FBXO8: variants seen among roughly 807,000 people sequenced by gnomAD.
FBXO8 encodes the protein F-box protein 8.
Under a neutral mutation model 33.4 loss-of-function variants are expected in FBXO8, and 15 were observed. The observed-to-expected ratio is 0.45, with a 90% CI of 0.30 to 0.69. The LOEUF is 0.69. Among genes scored for constraint, FBXO8 ranks in the 30% least tolerant of loss-of-function variants. The pLI, the probability that FBXO8 is intolerant of heterozygous loss-of-function variation, is 0.08. For missense variants in FBXO8, 274 were observed against 380.3 expected (o/e 0.72, Z 2.32); for synonymous variants, 132 against 131.5 (o/e 1.00, Z -0.02).
rs1375710412 is a variant in FBXO8 at position 174,254,175 on chromosome 4, C to G, written c.456+5524G>C. 6.6e-6 allele frequency among the ~76,000 whole-genome samples: 1 copy of G among 152,168 alleles called. No individual in the cohort carries two copies. Among genetic ancestry groups the G allele is most frequent in the Non-Finnish European group, 1.5e-5 (1 of 68,020 alleles). ...AGCATAATGAAGGGTGCTGAGAACT[C>G]AATTCTTCCTAGCTAGATCTTAGTT... On this transcript the variant is annotated intron_variant, in intron 3 of 5. Coordinates refer to ENST00000393674, the MANE Select transcript of FBXO8 (RefSeq NM_012180.3). This position sits in a 1 kb window ranked among gnomAD's most constrained non-coding sequence, Gnocchi z 4.2.
intron 1 of FBXO8, among the ~76,000 whole-genome samples, chr4:174,271,837 G>C (rs1000941009): frequency 1.3e-5 from 2 of 151,988 alleles, no homozygotes; most frequent in African/African-American, 4.8e-5. Context: ...CTGGTAACTG[G>C]TCAATAAATT....
In FBXO8 at chr4:174,270,198, CAT is replaced by C. The variant is rs1159124199; in HGVS notation, c.-8-7100_-8-7099del. 3.9e-5 allele frequency among the ~76,000 whole-genome samples: 6 copies of C among 152,164 alleles called. No individual in the cohort carries two copies. On this transcript the variant is annotated intron_variant, in intron 1 of 5. Coordinates refer to ENST00000393674, the MANE Select transcript of FBXO8 (RefSeq NM_012180.3). The surrounding 1 kb of genome is among the most constrained non-coding windows in gnomAD (Gnocchi z 4.6). The stretch of plus-strand genomic sequence containing the variant: ...CAGAGCTATTTTATTAAATTAATCT[CAT>C]GTATAAGAATTTCATATTTTGGTTT...
At position 174,274,115 on chromosome 4, in the gene FBXO8, C is replaced by A. The variant is rs1320764236; in HGVS notation, c.-9+9295G>T. 2.0e-5 allele frequency among the ~76,000 whole-genome samples: 3 copies of A among 152,186 alleles called. No homozygotes were observed. Among genetic ancestry groups the A allele is most frequent in the Non-Finnish European group, 4.4e-5 (3 of 68,046 alleles). ...CACCACTGGTTCTCATCTCTTTTTA[C>A]CCCGTCACTGTTTATTACCTCCATC... On this transcript the variant is annotated intron_variant, in intron 1 of 5. Transcript: ENST00000393674. This position sits in a 1 kb window ranked among gnomAD's most constrained non-coding sequence, Gnocchi z 4.0.
chr4:174,242,370 T>A (rs1358387464), intron 3 of FBXO8, among the ~76,000 whole-genome samples: 1 of 151,562 alleles, frequency 6.6e-6, no homozygotes, highest in African/African-American at 2.4e-5. Context: ...AAATTTTTTT[T>A]AAGTAATTAG....
rs927720604 is a variant in FBXO8 at position 174,262,061 on chromosome 4, TA to T, written c.329+702del. The stretch of plus-strand genomic sequence containing the variant: ...TATTTAAGGAGTAACTTAGGTTCAA[TA>T]AAACAGATTCTATTCCAGCAAATGT... On this transcript the variant is annotated intron_variant, in intron 2 of 5. Coordinates refer to ENST00000393674, the MANE Select transcript of FBXO8 (RefSeq NM_012180.3). This position sits in a 1 kb window ranked among gnomAD's most constrained non-coding sequence, Gnocchi z 4.6. Among the ~76,000 whole-genome samples, 3 of 152,130 alleles carry T rather than the reference TA, an allele frequency of 2.0e-5. No homozygotes were observed. The highest frequency in any genetic ancestry group is 7.2e-5 in the African/African-American group (3 of 41,448).
Position 174,241,991 on chromosome 4 carries a change from A to T in FBXO8, c.457-773T>A, listed in dbSNP as rs1736051392. Among the ~76,000 whole-genome samples the T allele has an allele frequency of 1.3e-5, 2 of 151,588 alleles. No homozygotes were observed. Among genetic ancestry groups the T allele is most frequent in the East Asian group, 3.9e-4 (2 of 5,188 alleles). ...CACCAACAAAAAAATCAAATGCTGAAAACAGTATTCTCTCACATATACAGA... is the reference window on the plus strand; with the variant it reads ...CACCAACAAAAAAATCAAATGCTGATAACAGTATTCTCTCACATATACAGA... On this transcript the variant is annotated intron_variant, in intron 3 of 5. Coordinates refer to ENST00000393674, the MANE Select transcript of FBXO8 (RefSeq NM_012180.3). This position sits in a 1 kb window ranked among gnomAD's most constrained non-coding sequence, Gnocchi z 4.2.
In FBXO8 at chr4:174,241,030, A is replaced by T; in HGVS notation, c.575+70T>A. ...ATGATTACTATGCAGTATTAGTTTTAAAGTAAAACTTAACTCATCAAAAAC... is the reference window on the plus strand; with the variant it reads ...ATGATTACTATGCAGTATTAGTTTTTAAGTAAAACTTAACTCATCAAAAAC... On this transcript the variant is annotated intron_variant, in intron 4 of 5. Transcript: ENST00000393674. This position sits in a 1 kb window ranked among gnomAD's most constrained non-coding sequence, Gnocchi z 4.2. The T allele has an allele frequency of 1.1e-6, 1 of 886,314 alleles. No homozygotes were observed. Among genetic ancestry groups the T allele is most frequent in the Non-Finnish European group, 1.8e-6 (1 of 570,678 alleles). 54.9% of individuals were successfully genotyped at this position (886,314 alleles called of 1,614,324 possible).
rs116553109 is a variant in FBXO8, at chr4:174,260,446, A to T, written c.330-621T>A. Among the ~76,000 whole-genome samples the T allele has an allele frequency of 1.8e-3, 279 of 152,208 alleles. 1 individual carries two copies. The highest frequency in any genetic ancestry group is 6.6e-3 in the African/African-American group (273 of 41,574). ...TTTTTCAAATAATACACGTTACAAC[A>T]GACAAATTAAATACAGAAATTGTTT... On this transcript the variant is annotated intron_variant, in intron 2 of 5. Coordinates refer to ENST00000393674, the MANE Select transcript of FBXO8 (RefSeq NM_012180.3).
Position 174,272,013 on chromosome 4 carries a change from T to C in FBXO8, c.-8-8913A>G, listed in dbSNP as rs1736848315. ...GTTTACTTGGGACCCCCTTAGGGGC[T>C]ACAAAGAAACTCCTAAGGCAATGTT... is the stretch of plus-strand genomic sequence containing the variant. On this transcript the variant is annotated intron_variant, in intron 1 of 5. Coordinates refer to ENST00000393674, the MANE Select transcript of FBXO8 (RefSeq NM_012180.3). This position sits in a 1 kb window ranked among gnomAD's most constrained non-coding sequence, Gnocchi z 4.7. 6.6e-6 allele frequency among the ~76,000 whole-genome samples: 1 copy of C among 152,224 alleles called. No individual in the cohort carries two copies. Among genetic ancestry groups the C allele is most frequent in the South Asian group, 2.1e-4 (1 of 4,836 alleles).
rs995843174 is a variant in FBXO8, at chr4:174,281,189, T to G, written c.-9+2221A>C. 6.6e-6 allele frequency among the ~76,000 whole-genome samples: 1 copy of G among 152,076 alleles called. No individual in the cohort carries two copies. The highest frequency in any genetic ancestry group is 2.4e-5 in the African/African-American group (1 of 41,386). On this transcript the variant is annotated intron_variant, in intron 1 of 5. Coordinates refer to ENST00000393674, the MANE Select transcript of FBXO8 (RefSeq NM_012180.3). This position sits in a 1 kb window ranked among gnomAD's most constrained non-coding sequence, Gnocchi z 4.6. ...TTTAACATCTGTCCTTTCCATCTCT[T>G]TTTTCCCTATATTCATGACTTCCAC...
chr4:174,263,688 A>G lies in FBXO8; in HGVS notation c.-8-588T>C, dbSNP rs1171009544. 6.6e-6 allele frequency among the ~76,000 whole-genome samples: 1 copy of G among 151,894 alleles called. No homozygotes were observed. Among genetic ancestry groups the G allele is most frequent in the Non-Finnish European group, 1.5e-5 (1 of 67,944 alleles). ...AAACCTTGTAAATTAGACACCTAGA[A>G]CTCCATGATAAATAGCTCGGTAACA... On this transcript the variant is annotated intron_variant, in intron 1 of 5. Coordinates refer to ENST00000393674, the MANE Select transcript of FBXO8 (RefSeq NM_012180.3). The surrounding 1 kb of genome is among the most constrained non-coding windows in gnomAD (Gnocchi z 4.2).
rs1201535719 is a variant in FBXO8, at chr4:174,270,678, G to A, written c.-8-7578C>T. On this transcript the variant is annotated intron_variant, in intron 1 of 5. Coordinates refer to ENST00000393674, the MANE Select transcript of FBXO8 (RefSeq NM_012180.3). The surrounding 1 kb of genome is among the most constrained non-coding windows in gnomAD (Gnocchi z 4.6). Reference sequence around the variant, plus strand: ...TGTTCCCCAGCTGCAGTGCAATGGCGCGATCTCGGCTCACTGCAACCTCCA... The same window carrying A: ...TGTTCCCCAGCTGCAGTGCAATGGCACGATCTCGGCTCACTGCAACCTCCA... Among the ~76,000 whole-genome samples the A allele has an allele frequency of 6.7e-6, 1 of 150,146 alleles. No homozygotes were observed. Among genetic ancestry groups the A allele is most frequent in the African/African-American group, 2.5e-5 (1 of 40,644 alleles).
At chr4:174,249,116 T>G (rs1736229712) in intron 3 of FBXO8, among the ~76,000 whole-genome samples, 1 of 152,076 alleles carries the variant, frequency 6.6e-6, no homozygotes, top group Admixed American at 6.6e-5. Flanking sequence ...ATCTGTGAAT[T>G]CTAATATCCC....
At chr4:174,264,435 T>C (rs1262741548) in intron 1 of FBXO8, among the ~76,000 whole-genome samples, 1 of 152,152 alleles carries the variant, frequency 6.6e-6, no homozygotes, top group African/African-American at 2.4e-5. Context: ...GAAGAATCCA[T>C]AGGGATTTTA....
In FBXO8 at chr4:174,247,716, A is replaced by G. The variant is rs1181665904; in HGVS notation, c.457-6498T>C. On this transcript the variant is annotated intron_variant, in intron 3 of 5. Transcript: ENST00000393674. The surrounding 1 kb of genome is among the most constrained non-coding windows in gnomAD (Gnocchi z 4.6). ...TTTTCAAACTGAAGATAATGTAAAA[A>G]TTAAGTGACACAATATACGTTATTA... Among the ~76,000 whole-genome samples, 1 of 152,084 alleles carries G rather than the reference A, an allele frequency of 6.6e-6. No individual in the cohort carries two copies. The highest frequency in any genetic ancestry group is 2.4e-5 in the African/African-American group (1 of 41,442).
chr4:174,271,867 A>C (rs946247616), intron 1 of FBXO8, among the ~76,000 whole-genome samples: 1 of 152,198 alleles, frequency 6.6e-6, no homozygotes, highest in Non-Finnish European at 1.5e-5. Context: ...ATTTAAATAG[A>C]TATAAAATCT....
rs1379083831 is a variant in FBXO8, at chr4:174,261,287, G to T, written c.330-1462C>A. ...CAAAGTTGAAATTAAAACTAAGCCA[G>T]CCTTTAATTTCAAATAGAAGCAATT... On this transcript the variant is annotated intron_variant, in intron 2 of 5. Transcript: ENST00000393674. The surrounding 1 kb of genome is among the most constrained non-coding windows in gnomAD (Gnocchi z 4.1). 6.6e-6 allele frequency among the ~76,000 whole-genome samples: 1 copy of T among 151,762 alleles called. No individual in the cohort carries two copies. The highest frequency in any genetic ancestry group is 2.4e-5 in the African/African-American group (1 of 41,358).
intron 3 of FBXO8, among the ~76,000 whole-genome samples, chr4:174,243,310 C>CAACT (rs1466283117): frequency 6.6e-6 from 1 of 151,006 alleles, no homozygotes; most frequent in African/African-American, 2.4e-5. Context: ...TGAAATAAGC[C>CAACT]AACTCTATTG....
In FBXO8 at chr4:174,278,871, T is replaced by C. The variant is rs1737010711; in HGVS notation, c.-9+4539A>G. ...AGGTGAAAAATGAGAAAACATTTAA[T>C]AGTGAAAAGAGACTGATGGAAAGAA... On this transcript the variant is annotated intron_variant, in intron 1 of 5. Coordinates refer to ENST00000393674, the MANE Select transcript of FBXO8 (RefSeq NM_012180.3). This position sits in a 1 kb window ranked among gnomAD's most constrained non-coding sequence, Gnocchi z 4.1. 6.6e-6 allele frequency among the ~76,000 whole-genome samples: 1 copy of C among 152,108 alleles called. No individual in the cohort carries two copies.
Sources: gnomAD v4.1 joint callset for allele counts (sites outside exome capture counted in the v4.1 genomes callset) on GRCh38, gnomAD v4.1.1 for gene constraint, Gnocchi (gnomAD v3.1) non-coding constraint, MANE v1.5 for transcripts, NCBI Gene and HGNC (gene_info 2026-07-23, HGNC 2026-07-21) for gene names.